NELL1: variants seen among roughly 807,000 people sequenced by gnomAD.
The protein encoded by NELL1 is neural EGFL like 1, also known as protein kinase C-binding protein NELL1.
A neutral mutation model predicts 107.4 loss-of-function variants in NELL1; 76 were observed. The observed-to-expected ratio is 0.71, with a 90% CI of 0.59 to 0.86. NELL1 has a LOEUF of 0.86. Ranked by LOEUF, NELL1 falls within the 40% of genes least tolerant of loss-of-function variation. The pLI, the probability that NELL1 is intolerant of heterozygous loss-of-function variation, is 0.00. For synonymous variants in NELL1, 353 were observed against 341.2 expected (o/e 1.03, Z -0.38); for missense variants, 1,024 against 1,005.5 (o/e 1.02, Z -0.25).
intron 7 of NELL1, among the ~76,000 whole-genome samples, chr11:20,924,128 G>C (rs1850439604): frequency 6.6e-6 from 1 of 152,206 alleles, no homozygotes; most frequent in South Asian, 2.1e-4. Flanking sequence ...GTGTCAGGTA[G>C]TATAGAAATA....
At chr11:21,124,442 A>C (rs372176682) in intron 13 of NELL1, among the ~76,000 whole-genome samples, 2 of 152,276 alleles carry the variant, frequency 1.3e-5, no homozygotes, top group African/African-American at 4.8e-5. Context: ...GCCACTTGCA[A>C]TTATGGTGCT....
chr11:21,506,320 T>A (rs1380627420), intron 15 of NELL1, among the ~76,000 whole-genome samples: 1 of 152,186 alleles, frequency 6.6e-6, no homozygotes, highest in African/African-American at 2.4e-5. Context: ...ATCTCAGACC[T>A]ACCCAACAAT....
chr11:20,816,069 G>C (rs557015706), intron 3 of NELL1, among the ~76,000 whole-genome samples: 3 of 152,230 alleles, frequency 2.0e-5, no homozygotes, highest in African/African-American at 7.2e-5. Context: ...TTATAGCATA[G>C]TTTGAAATCA....
intron 13 of NELL1, chr11:21,170,242 C>G: frequency 2.4e-6 from 1 of 418,658 alleles, no homozygotes; most frequent in South Asian, 3.0e-5. Flanking sequence ...CCTCTTGGTT[C>G]ATAACTACAA....
At position 21,441,402 on chromosome 11, in the gene NELL1, C is replaced by T. The variant is rs568805725; in HGVS notation, c.1645+70454C>T. Among the ~76,000 whole-genome samples the T allele has an allele frequency of 1.1e-4, 16 of 144,832 alleles. No homozygotes were observed. The South Asian group carries it at 1.6e-3, about 14-fold the overall frequency. On this transcript the variant is annotated intron_variant, in intron 15 of 19. Coordinates refer to ENST00000357134, the MANE Select transcript of NELL1 (RefSeq NM_006157.5). ...GTGTGTTCTATGATATGGTATGTTC[C>T]GAACTGTCTTTTGATGGGTTTTATC...
In NELL1 at chr11:21,170,191, C is replaced by G. The variant is rs1856573412; in HGVS notation, c.1426+56477C>G. On this transcript the variant is annotated intron_variant, in intron 13 of 19. Coordinates refer to ENST00000357134, the MANE Select transcript of NELL1 (RefSeq NM_006157.5). ...ATCTAAGCAGGTGAATTAGAATAATCCCAAAACTCATCTGTCGAACGTGTT... is the reference window on the plus strand; with the variant it reads ...ATCTAAGCAGGTGAATTAGAATAATGCCAAAACTCATCTGTCGAACGTGTT... The G allele has an allele frequency of 1.2e-5, 7 of 566,516 alleles. No homozygotes were observed. In the South Asian group the frequency reaches 1.6e-4, roughly 13 times the overall value. The allele number at this position is 566,516 out of a possible 1,614,324, so 35.1% of individuals were successfully genotyped here.
At chr11:21,098,222 T>C (rs1854699957) in intron 12 of NELL1, among the ~76,000 whole-genome samples, 2 of 152,356 alleles carry the variant, frequency 1.3e-5, no homozygotes, top group East Asian at 1.9e-4. Context: ...GGTATTCTTT[T>C]CTTTTCCATT....
intron 13 of NELL1, among the ~76,000 whole-genome samples, chr11:21,164,274 A>G (rs1465970363): frequency 2.0e-5 from 3 of 152,224 alleles, no homozygotes; most frequent in Middle Eastern, 3.4e-3. Context: ...CACCCTCTTG[A>G]CTTGGTAGGA....
At chr11:21,096,924 C>G (rs1434682184) in intron 12 of NELL1, among the ~76,000 whole-genome samples, 1 of 151,834 alleles carries the variant, frequency 6.6e-6, no homozygotes, top group African/African-American at 2.4e-5. Flanking sequence ...GTTGTGTTGT[C>G]CTGGCTGGTC....
chr11:21,399,827 G>A (rs1244985766), intron 15 of NELL1, among the ~76,000 whole-genome samples: 1 of 151,706 alleles, frequency 6.6e-6, no homozygotes, highest in Non-Finnish European at 1.5e-5. Flanking sequence ...AAATAACGGC[G>A]ATGCTGCTGA....
intron 2 of NELL1, among the ~76,000 whole-genome samples, chr11:20,763,916 TA>T (rs1288950381): frequency 2.0e-5 from 3 of 152,110 alleles, no homozygotes; most frequent in South Asian, 4.2e-4. Context: ...CCCAGGTGCA[TA>T]GGGGGCCAGC....
intron 2 of NELL1, among the ~76,000 whole-genome samples, chr11:20,780,915 T>G (rs944359460): frequency 2.0e-5 from 3 of 152,170 alleles, no homozygotes; most frequent in Admixed American, 6.5e-5. Flanking sequence ...TCAGTTTGTG[T>G]GCAACTTTGC....
At chr11:20,792,375 G>A (rs1857091997) in intron 3 of NELL1, among the ~76,000 whole-genome samples, 1 of 151,892 alleles carries the variant, frequency 6.6e-6, no homozygotes, top group Non-Finnish European at 1.5e-5. Flanking sequence ...CAAATCAAAG[G>A]TGTTCATTAA....
At chr11:21,472,795 A>C (rs560643758) in intron 15 of NELL1, among the ~76,000 whole-genome samples, 1 of 151,262 alleles carries the variant, frequency 6.6e-6, no homozygotes, top group Admixed American at 6.6e-5. Flanking sequence ...TAATTCACTC[A>C]CTCGTCCCCT....
At chr11:21,406,793 C>A (rs760914086) in intron 15 of NELL1, among the ~76,000 whole-genome samples, 1 of 151,940 alleles carries the variant, frequency 6.6e-6, no homozygotes, top group Admixed American at 6.6e-5. Context: ...TTTAGGGTAT[C>A]CCTCACCTCA....
At chr11:20,764,856 G>A (rs555637996) in intron 2 of NELL1, among the ~76,000 whole-genome samples, 2 of 152,040 alleles carry the variant, frequency 1.3e-5, no homozygotes, top group Admixed American at 6.6e-5. Flanking sequence ...GAGAACTGGG[G>A]GCTGCTGTTT....
intron 7 of NELL1, among the ~76,000 whole-genome samples, chr11:20,925,091 T>C (rs7936743): frequency 0.019 from 2,960 of 152,260 alleles, 102 homozygotes; most frequent in African/African-American, 0.068. Flanking sequence ...CTATACTATT[T>C]TATATAAAGG....
At position 21,204,341 on chromosome 11, in the gene NELL1, C is replaced by T. The variant is rs142158050; in HGVS notation, c.1427-24991C>T. Among the ~76,000 whole-genome samples, 1,338 of 151,886 alleles carry T rather than the reference C, an allele frequency of 8.8e-3. 13 individuals carry two copies. Among genetic ancestry groups the T allele is most frequent in the South Asian group, 0.026 (127 of 4,814 alleles). ...TCTTTTTTCTCTAATCTTGTCTTCA[C>T]GCTTTATTTCATTAAGTTGATCTTC... On this transcript the variant is annotated intron_variant, in intron 13 of 19. Coordinates refer to ENST00000357134, the MANE Select transcript of NELL1 (RefSeq NM_006157.5).
chr11:20,940,875 T>C (rs570556880), intron 10 of NELL1, among the ~76,000 whole-genome samples: 21 of 152,298 alleles, frequency 1.4e-4, no homozygotes, highest in Admixed American at 1.2e-3. Flanking sequence ...TGGTGGCTTA[T>C]GCCTGTAATC....
Sources: allele counts gnomAD v4.1 joint callset (sites outside exome capture counted in the v4.1 genomes callset), GRCh38; gene constraint gnomAD v4.1.1; transcripts MANE v1.5; gene names NCBI Gene and HGNC (gene_info 2026-07-23, HGNC 2026-07-21).